Variants in CSPP1 observed in about 807,000 individuals in gnomAD.
The protein encoded by CSPP1 is centrosome and spindle pole-associated protein 1.
Under a neutral mutation model 164.4 loss-of-function variants are expected in CSPP1, and 126 were observed. That is an observed-to-expected ratio of 0.77 (90% CI 0.66 to 0.89). The LOEUF (loss-of-function observed/expected upper bound fraction) is 0.89. Among genes scored for constraint, CSPP1 ranks in the 40% least tolerant of loss-of-function variants. CSPP1 has a pLI of 0.00. For synonymous variants in CSPP1, 472 were observed against 476.7 expected, an observed-to-expected ratio of 0.99 and a Z score of 0.13; for missense variants, 1,395 against 1,449.8, an observed-to-expected ratio of 0.96 and a Z score of 0.61.
intron 1 of CSPP1, among the ~76,000 whole-genome samples, chr8:67,071,046 C>T (rs1806664372): frequency 6.6e-6 from 1 of 152,174 alleles, no homozygotes; most frequent in Non-Finnish European, 1.5e-5. Context: ...AGCCACCAAG[C>T]CCAGCCTACG....
Position 67,191,298 on chromosome 8 carries a change from CTCTG to C in CSPP1, c.3330+541_3330+544del, listed in dbSNP as rs545710202. Among the ~76,000 whole-genome samples, 6 of 152,354 alleles carry C rather than the reference CTCTG, an allele frequency of 3.9e-5. No homozygotes were observed. In the East Asian group the frequency reaches 1.2e-3, roughly 29 times the overall value. On this transcript the variant is annotated intron_variant, in intron 29 of 30. Transcript: ENST00000678616. ...TAGGCAGCTTGGGCAATTTCTTAAACTCTGTGTGTGTTTCCTTATATATGACGTG... is the reference window on the plus strand; with the variant it reads ...TAGGCAGCTTGGGCAATTTCTTAAACTGTGTGTTTCCTTATATATGACGTG...
At chr8:67,107,078 C>T (rs770943472) in intron 9 of CSPP1, among the ~76,000 whole-genome samples, 6 of 149,200 alleles carry the variant, frequency 4.0e-5, no homozygotes, top group South Asian at 2.1e-4. Context: ...AATTGAGTTT[C>T]GCTCTATCAC....
intron 18 of CSPP1, among the ~76,000 whole-genome samples, chr8:67,151,916 C>T (rs1424076524): frequency 7.3e-5 from 11 of 151,558 alleles, no homozygotes; most frequent in African/African-American, 2.2e-4. Flanking sequence ...GGTGAAACCC[C>T]GTCTCTACTA....
At chr8:67,086,771 A>T (rs1810474738) in intron 4 of CSPP1, 12 of 1,063,054 alleles carry the variant, frequency 1.1e-5, no homozygotes, top group Non-Finnish European at 1.5e-5. Flanking sequence ...CATGGAGAGA[A>T]TGAACTTTGA....
intron 4 of CSPP1, among the ~76,000 whole-genome samples, chr8:67,086,486 A>G (rs1224015728): frequency 1.3e-5 from 2 of 152,078 alleles, no homozygotes; most frequent in African/African-American, 4.8e-5. Flanking sequence ...TCTAGTTGCT[A>G]ATTATTTTCC....
chr8:67,164,375 C>T lies in CSPP1; in HGVS notation c.2711-16C>T. 1 of 1,161,390 alleles carries T rather than the reference C, an allele frequency of 8.6e-7. No homozygotes were observed. Among genetic ancestry groups the T allele is most frequent in the Non-Finnish European group, 1.3e-6 (1 of 770,114 alleles). The allele number at this position is 1,161,390 out of a possible 1,614,324, so 71.9% of individuals were successfully genotyped here. On this transcript the variant is annotated splice_polypyrimidine_tract_variant and intron_variant, in intron 23 of 30. Transcript: ENST00000678616. ...TATTCCTGTCTTGTGTTTTACTTATCAATGGGAATTTGCAGAGGAGAAAAA... is the reference window on the plus strand; with the variant it reads ...TATTCCTGTCTTGTGTTTTACTTATTAATGGGAATTTGCAGAGGAGAAAAA...
chr8:67,104,452 A>C (rs990531096), intron 8 of CSPP1, among the ~76,000 whole-genome samples: 2 of 151,774 alleles, frequency 1.3e-5, no homozygotes, highest in Non-Finnish European at 2.9e-5. Context: ...ATTTTTTTGT[A>C]GAGTCAGGAT....
In CSPP1 at chr8:67,177,876, T is replaced by C. The variant is rs1832071512; in HGVS notation, c.3156+150T>C. 5.9e-6 allele frequency: 4 copies of C among 683,710 alleles called. No homozygotes were observed. In the Admixed American group the frequency reaches 6.7e-5, roughly 11 times the overall value. The allele number at this position is 683,710 out of a possible 1,614,324, so 42.4% of individuals were successfully genotyped here. ...TCAGTAAAGTGGATAGCTTGAGAAG[T>C]GTTAGTGTAATATATATAGAAAACA... is the stretch of plus-strand genomic sequence containing the variant. On this transcript the variant is annotated intron_variant, in intron 27 of 30. Coordinates refer to ENST00000678616, the MANE Select transcript of CSPP1 (RefSeq NM_001382391.1).
At chr8:67,183,984 T>C (rs752267450) in intron 28 of CSPP1, among the ~76,000 whole-genome samples, 6 of 151,564 alleles carry the variant, frequency 4.0e-5, no homozygotes, top group Non-Finnish European at 7.4e-5. Flanking sequence ...TCCCAAGTAG[T>C]TGGGATTACA....
At chr8:67,148,942 T>C (rs1203143379) in intron 17 of CSPP1, among the ~76,000 whole-genome samples, 5 of 152,230 alleles carry the variant, frequency 3.3e-5, no homozygotes, top group African/African-American at 4.8e-5. Context: ...TAAACAGTTA[T>C]TATCTTGCGG....
chr8:67,069,925 G>T (rs1806366979), intron 1 of CSPP1, among the ~76,000 whole-genome samples: 1 of 152,026 alleles, frequency 6.6e-6, no homozygotes, highest in Admixed American at 6.6e-5. Context: ...CTCCCAAAGT[G>T]CTGGGATTAC....
intron 10 of CSPP1, 107 bp downstream of exon 10, chr8:67,112,172 G>A: frequency 1.9e-6 from 1 of 527,430 alleles, no homozygotes; most frequent in Non-Finnish European, 3.3e-6. Context: ...TGTTTGATTT[G>A]TAAATCACTT....
chr8:67,129,667 T>G (rs1016208028), intron 15 of CSPP1, among the ~76,000 whole-genome samples: 9 of 152,218 alleles, frequency 5.9e-5, no homozygotes, highest in Non-Finnish European at 1.3e-4. Flanking sequence ...TGCGATGAAG[T>G]ACTACTCAGC....
Position 67,195,845 on chromosome 8 carries a change from T to G in CSPP1, c.*252T>G, listed in dbSNP as rs1375451381. 1.1e-5 allele frequency: 5 copies of G among 436,714 alleles called. No homozygotes were observed. Among genetic ancestry groups the G allele is most frequent in the African/African-American group, 2.0e-5 (1 of 50,494 alleles). The allele number at this position is 436,714 out of a possible 1,614,324, so 27.1% of individuals were successfully genotyped here. A position where few individuals can be genotyped will look rare whatever the true frequency, so the allele number is the denominator to read the frequency against. On this transcript the variant is annotated 3_prime_UTR_variant, in exon 31 of 31. Coordinates refer to ENST00000678616, the MANE Select transcript of CSPP1 (RefSeq NM_001382391.1). Reference sequence around the variant, plus strand: ...AAATTAGGGTGGTAATGAACTGGATTGAACTACTATATGTGCATTATATTG... The same window carrying G: ...AAATTAGGGTGGTAATGAACTGGATGGAACTACTATATGTGCATTATATTG...
At chr8:67,189,867 A>AG (rs1835733018) in intron 28 of CSPP1, among the ~76,000 whole-genome samples, 1 of 152,078 alleles carries the variant, frequency 6.6e-6, no homozygotes, top group African/African-American at 2.4e-5. Flanking sequence ...GGAGTTGCGG[A>AG]GGTTACCGTA....
intron 15 of CSPP1, among the ~76,000 whole-genome samples, chr8:67,128,212 C>T (rs1224052638): frequency 1.3e-5 from 2 of 152,112 alleles, no homozygotes; most frequent in Non-Finnish European, 2.9e-5. Flanking sequence ...TATTAACTGT[C>T]TGATCTTTTT....
chr8:67,143,890 G>A (rs1823982355), intron 17 of CSPP1, among the ~76,000 whole-genome samples: 1 of 152,094 alleles, frequency 6.6e-6, no homozygotes. Flanking sequence ...GCATCTGTCA[G>A]TAGAGTTAGT....
intron 8 of CSPP1, among the ~76,000 whole-genome samples, chr8:67,104,260 GT>G (rs374929933): frequency 0.048 from 6,810 of 140,766 alleles, 325 homozygotes; most frequent in African/African-American, 0.16. Flanking sequence ...TCCAAGAAAG[GT>G]TTTTTTTTTT....
At chr8:67,094,415 A>G (rs2129545299) in intron 6 of CSPP1, among the ~76,000 whole-genome samples, 1 of 151,200 alleles carries the variant, frequency 6.6e-6, no homozygotes, top group East Asian at 2.0e-4. Context: ...CTGGGATTAC[A>G]GGTGCCTGCC....
Sources: gnomAD v4.1 joint callset for allele counts (sites outside exome capture counted in the v4.1 genomes callset) on GRCh38, gnomAD v4.1.1 for gene constraint, MANE v1.5 for transcripts, NCBI Gene and HGNC (gene_info 2026-07-23, HGNC 2026-07-21) for gene names.